Variants in ARID1A observed in about 807,000 individuals in gnomAD.
ARID1A encodes AT-rich interactive domain-containing protein 1A.
In ARID1A, 20 loss-of-function variants were observed where a neutral mutation model predicts 212.6. The ratio of observed to expected loss-of-function variants is 0.09; its 90% CI spans 0.07 to 0.14. ARID1A has a LOEUF of 0.14. Among genes scored for constraint, ARID1A ranks in the 10% least tolerant of loss-of-function variants. ARID1A has a pLI of 1.00. For synonymous variants in ARID1A, 1,376 were observed against 1,222.1 expected (o/e 1.13, Z -2.63); for missense variants, 2,587 against 3,059.0 (o/e 0.85, Z 3.64).
At chr1:26,758,619 C>CAAA (rs113900947) in intron 4 of ARID1A, among the ~76,000 whole-genome samples, 3 of 93,666 alleles carry the variant, frequency 3.2e-5, no homozygotes, top group African/African-American at 4.0e-5. Context: ...GACCCTGTCT[C>CAAA]AAAAAAAAAA....
At chr1:26,728,981 T>C (rs1371861102) in intron 1 of ARID1A, 2 of 152,224 alleles carry the variant, frequency 1.3e-5, no homozygotes, top group Non-Finnish European at 2.9e-5. Flanking sequence ...TTTTTTTAAC[T>C]TCCATGACAG....
intron 1 of ARID1A, among the ~76,000 whole-genome samples, chr1:26,704,169 A>G (rs1371462386): frequency 6.6e-6 from 1 of 152,160 alleles, no homozygotes; most frequent in Non-Finnish European, 1.5e-5. Context: ...CTAACCATAA[A>G]ACTCCCTGAA....
Position 26,722,071 on chromosome 1 carries a change from G to A in ARID1A, c.1138-7580G>A, listed in dbSNP as rs553635435. On this transcript the variant is annotated intron_variant, in intron 1 of 19. Transcript: ENST00000324856. ...TCTTGTTTTACATCACTTTCTAGAT[G>A]TTCTTGGTTTGACATCTGGTTGCAA... is the stretch of plus-strand genomic sequence containing the variant. Among the ~76,000 whole-genome samples the A allele has an allele frequency of 3.8e-4, 58 of 152,250 alleles. 1 individual carries two copies. In the Middle Eastern group the frequency reaches 0.01, roughly 27 times the overall value.
chr1:26,746,872 A>C (rs1264038684), intron 4 of ARID1A, among the ~76,000 whole-genome samples: 1 of 152,144 alleles, frequency 6.6e-6, no homozygotes, highest in Admixed American at 6.5e-5. Flanking sequence ...TCTCTACTAA[A>C]TAATATAAAA....
intron 10 of ARID1A, among the ~76,000 whole-genome samples, chr1:26,767,140 C>G (rs1483153355): frequency 6.6e-6 from 1 of 152,184 alleles, no homozygotes; most frequent in Non-Finnish European, 1.5e-5. Flanking sequence ...CTTTCCCTAT[C>G]TGTATACATA....
At chr1:26,720,705 C>T (rs1037168747) in intron 1 of ARID1A, among the ~76,000 whole-genome samples, 8 of 151,930 alleles carry the variant, frequency 5.3e-5, no homozygotes, top group African/African-American at 1.7e-4. Context: ...GGTGAAACCC[C>T]ATCTCTACAA....
chr1:26,753,228 C>T (rs2080899927), intron 4 of ARID1A: 1 of 152,200 alleles, frequency 6.6e-6, no homozygotes, highest in African/African-American at 2.4e-5. Flanking sequence ...ACCGTCCCTA[C>T]CCCACAAAAT....
At chr1:26,748,299 C>G (rs1337060039) in intron 4 of ARID1A, among the ~76,000 whole-genome samples, 1 of 152,136 alleles carries the variant, frequency 6.6e-6, no homozygotes, top group Non-Finnish European at 1.5e-5. Context: ...GCAACACCCC[C>G]TCCTTATTAC....
chr1:26,711,103 T>C (rs1013566614), intron 1 of ARID1A, among the ~76,000 whole-genome samples: 2 of 151,732 alleles, frequency 1.3e-5, no homozygotes, highest in African/African-American at 2.4e-5. Context: ...TAGCCTCTTA[T>C]GTCTCTTGCT....
rs147755424 is a variant in ARID1A at position 26,774,424 on chromosome 1, G to A, written c.4197G>A (p.Gln1399=). 2 of 1,613,020 alleles carry A rather than the reference G, an allele frequency of 1.2e-6. No homozygotes were observed. Among genetic ancestry groups the A allele is most frequent in the African/African-American group, 1.3e-5 (1 of 74,904 alleles). The change falls in exon 18 of 20, where the codon CAG becomes CAA. Residue 1399 remains glutamine, a synonymous_variant. Transcript: ENST00000324856. This position sits in a 1 kb window ranked among gnomAD's most constrained non-coding sequence, Gnocchi z 5.6. ...YSVPYSTGQG[Q]PQQQQLPPAQ... is the part of the protein sequence containing the mutation. ...TGCCATACAGCACTGGGCAGGGGCAGCCTCAGCAGCAGCAGTTGCCCCCAG... is the reference window on the plus strand; with the variant it reads ...TGCCATACAGCACTGGGCAGGGGCAACCTCAGCAGCAGCAGTTGCCCCCAG...
chr1:26,760,366 A>T (rs2080979217), intron 4 of ARID1A, among the ~76,000 whole-genome samples: 1 of 152,272 alleles, frequency 6.6e-6, no homozygotes. Context: ...CCTGGTCCTT[A>T]ACAGAGTTTG....
intron 12 of ARID1A, 107 bp from the exon 13 acceptor site, chr1:26,772,393 C>A (rs1042894555): frequency 6.6e-7 from 1 of 1,522,448 alleles, no homozygotes; most frequent in Non-Finnish European, 9.0e-7. Flanking sequence ...GCTTTAAAGG[C>A]CTTAGGAAGA....
intron 4 of ARID1A, among the ~76,000 whole-genome samples, chr1:26,733,099 A>G (rs2080696350): frequency 1.3e-5 from 2 of 152,292 alleles, no homozygotes; most frequent in African/African-American, 2.4e-5. Context: ...GTTGAGAAAA[A>G]TATCAGTTTC....
At chr1:26,743,867 G>T (rs2080811291) in intron 4 of ARID1A, among the ~76,000 whole-genome samples, 1 of 151,930 alleles carries the variant, frequency 6.6e-6, no homozygotes, top group African/African-American at 2.4e-5. Flanking sequence ...TTTCATGATA[G>T]AAGGAGAGAG....
rs2124119158 is a variant in ARID1A at position 26,774,628 on chromosome 1, C to T, written c.4401C>T (p.Pro1467=). 1 of 1,614,234 alleles carries T rather than the reference C, an allele frequency of 6.2e-7. No homozygotes were observed. The highest frequency in any genetic ancestry group is 1.7e-5 in the Admixed American group (1 of 60,028). The change falls in exon 18 of 20, where the codon CCC becomes CCT. Residue 1467 remains proline (P), a synonymous_variant. Transcript: ENST00000324856. This position sits in a 1 kb window ranked among gnomAD's most constrained non-coding sequence, Gnocchi z 5.6. ...TTGGCCGAGACCGTGTCTCTGCACC[C>T]CCTGGCACCAATGCCCAGCAAAACA... ...FQFGRDRVSA[P]PGTNAQQNMP... is the part of the protein sequence containing the mutation.
Position 26,782,002 on chromosome 1 carries a change from CT to C in ARID1A, c.*1253del, listed in dbSNP as rs1463707738. The stretch of plus-strand genomic sequence containing the variant: ...AGCTAAAACTTGATGTAAATTCCTC[CT>C]TTTTTTCCTTTTTTGGCTTAATGAA... On this transcript the variant is annotated 3_prime_UTR_variant, in exon 20 of 20. Coordinates refer to ENST00000324856, the MANE Select transcript of ARID1A (RefSeq NM_006015.6). The C allele has an allele frequency of 8.6e-6, 2 of 233,054 alleles. No homozygotes were observed. Among genetic ancestry groups the C allele is most frequent in the East Asian group, 1.2e-4 (2 of 16,454 alleles). 14.4% of individuals were successfully genotyped at this position (233,054 alleles called of 1,614,324 possible).
intron 4 of ARID1A, among the ~76,000 whole-genome samples, chr1:26,756,367 C>T (rs188165772): frequency 2.0e-5 from 3 of 151,996 alleles, no homozygotes; most frequent in South Asian, 2.1e-4. Context: ...ACCAGCCTGG[C>T]CAACATGTTG....
Position 26,696,099 on chromosome 1 carries a change from A to C in ARID1A, c.-305A>C, listed in dbSNP as rs1462365915. The C allele has an allele frequency of 2.3e-5, 10 of 440,802 alleles. No individual in the cohort carries two copies. The highest frequency in any genetic ancestry group is 2.5e-5 in the Non-Finnish European group (8 of 315,708). 27.3% of individuals were successfully genotyped at this position (440,802 alleles called of 1,614,324 possible). On this transcript the variant is annotated 5_prime_UTR_variant, in exon 1 of 20. Coordinates refer to ENST00000324856, the MANE Select transcript of ARID1A (RefSeq NM_006015.6). ...AGCCTCCACCGCCCCCCTCATTCCC[A>C]GGCAAGGGCTTGGGGGGAATGAGCC...
At position 26,696,166 on chromosome 1, in the gene ARID1A, A is replaced by AGCCGCCGGCGCCTCGGCC. The variant is rs2080247939; in HGVS notation, c.-230_-213dup. On this transcript the variant is annotated 5_prime_UTR_variant, in exon 1 of 20. Coordinates refer to ENST00000324856, the MANE Select transcript of ARID1A (RefSeq NM_006015.6). ...GAGCCTACAGAGCCGGGAGCAGCTGAGCCGCCGGCGCCTCGGCCGCCGCCG... is the reference window on the plus strand; with the variant it reads ...GAGCCTACAGAGCCGGGAGCAGCTGAGCCGCCGGCGCCTCGGCCGCCGCCGGCGCCTCGGCCGCCGCCG... 2 of 526,054 alleles carry AGCCGCCGGCGCCTCGGCC rather than the reference A, an allele frequency of 3.8e-6. No individual in the cohort carries two copies. Among genetic ancestry groups the AGCCGCCGGCGCCTCGGCC allele is most frequent in the Admixed American group, 5.2e-5 (1 of 19,352 alleles). The allele number at this position is 526,054 out of a possible 1,614,324, so 32.6% of individuals were successfully genotyped here.
Sources: allele counts gnomAD v4.1 joint callset (sites outside exome capture counted in the v4.1 genomes callset), GRCh38; gene constraint gnomAD v4.1.1; non-coding constraint Gnocchi (gnomAD v3.1); transcripts MANE v1.5; gene names NCBI Gene and HGNC (gene_info 2026-07-23, HGNC 2026-07-21).